Variants in PCDHA12 observed in about 807,000 individuals in gnomAD.
PCDHA12 encodes the protein protocadherin alpha-12.
In PCDHA12, 44 loss-of-function variants were observed where a neutral mutation model predicts 60.0. The observed-to-expected ratio is 0.73, with a 90% CI of 0.58 to 0.94. The LOEUF is 0.94. PCDHA12 is among the 40% of genes least tolerant of loss of function. PCDHA12 has a pLI of 0.00. For synonymous variants in PCDHA12, 569 were observed against 553.0 expected (o/e 1.03, Z -0.40); for missense variants, 1,276 against 1,239.7 (o/e 1.03, Z -0.44).
intron 1 of PCDHA12, among the ~76,000 whole-genome samples, chr5:140,955,262 C>CT (rs1165777806): frequency 1.3e-5 from 2 of 152,044 alleles, no homozygotes; most frequent in African/African-American, 2.4e-5. Flanking sequence ...TATAAAGGCT[C>CT]TTTTTTGGTT....
Position 140,876,378 on chromosome 5 carries a change from T to A in PCDHA12, c.906T>A (p.Ile302=). The change falls in exon 1 of 4, where the codon ATT becomes ATA. Residue 302 remains isoleucine (I), a synonymous_variant. Coordinates refer to ENST00000398631, the MANE Select transcript of PCDHA12 (RefSeq NM_018903.4). Reference sequence around the variant, plus strand: ...CAATAAATCCAGACACAGGTGAAATTAGAATTTATGGTGAACTGGATTTTG... The same window carrying A: ...CAATAAATCCAGACACAGGTGAAATAAGAATTTATGGTGAACTGGATTTTG... ...MFSINPDTGE[I]RIYGELDFEE... The A allele has an allele frequency of 6.2e-7, 1 of 1,613,948 alleles. No homozygotes were observed. Among genetic ancestry groups the A allele is most frequent in the Non-Finnish European group, 8.5e-7 (1 of 1,179,902 alleles).
chr5:140,908,587 T>G (rs186345728), intron 1 of PCDHA12, among the ~76,000 whole-genome samples: 3 of 152,298 alleles, frequency 2.0e-5, no homozygotes, highest in East Asian at 3.9e-4. Context: ...AGTAGTTAGC[T>G]GCAGAAGATG....
chr5:140,941,619 C>T (rs1300512502), intron 1 of PCDHA12, among the ~76,000 whole-genome samples: 1 of 151,848 alleles, frequency 6.6e-6, no homozygotes, highest in African/African-American at 2.4e-5. Flanking sequence ...CCAGCCCATC[C>T]TGCTTCTTAA....
Position 140,982,485 on chromosome 5 carries a change from C to T in PCDHA12, c.2437C>T (p.Leu813=). 1 of 1,614,100 alleles carries T rather than the reference C, an allele frequency of 6.2e-7. No homozygotes were observed. The highest frequency in any genetic ancestry group is 8.5e-7 in the Non-Finnish European group (1 of 1,180,004). The part of the protein sequence containing the change: ...LRAGMHSSVH[L]EEAGILRAGP... ...TGTGTGTTTATTCAGCTCTGTGCAC[C>T]TAGAGGAGGCTGGCATTCTACGGGC... The change falls in exon 3 of 4, where the codon CTA becomes TTA. Residue 813 remains leucine (L), a synonymous_variant. Coordinates refer to ENST00000398631, the MANE Select transcript of PCDHA12 (RefSeq NM_018903.4).
chr5:140,994,281 G>T (rs2097610222), intron 3 of PCDHA12, among the ~76,000 whole-genome samples: 1 of 152,144 alleles, frequency 6.6e-6, no homozygotes. Flanking sequence ...CCTTTCTTGA[G>T]ACAGTCCCCA....
chr5:140,982,300 G>A (rs2096976836), intron 2 of PCDHA12, 175 bp from the exon 3 acceptor site: 1 of 1,204,506 alleles, frequency 8.3e-7, no homozygotes, highest in South Asian at 1.7e-5. Flanking sequence ...AGTCAGCAAT[G>A]CTTCTGCAGT....
chr5:140,884,096 G>T (rs782587372), intron 1 of PCDHA12: 1 of 1,613,580 alleles, frequency 6.2e-7, no homozygotes, highest in Non-Finnish European at 8.5e-7. Flanking sequence ...GCTTTCGTAT[G>T]AATTGCAGCT....
At chr5:141,007,991 A>G (rs1276879326) in intron 3 of PCDHA12, among the ~76,000 whole-genome samples, 1 of 152,234 alleles carries the variant, frequency 6.6e-6, no homozygotes, top group Non-Finnish European at 1.5e-5. Context: ...TATGAAATGT[A>G]CATGTTAATA....
chr5:140,900,081 G>T (rs1306300563), intron 1 of PCDHA12, among the ~76,000 whole-genome samples: 1 of 152,062 alleles, frequency 6.6e-6, no homozygotes, highest in African/African-American at 2.4e-5. Context: ...AAGTGCTGCA[G>T]TTACAAGCAT....
intron 1 of PCDHA12, among the ~76,000 whole-genome samples, chr5:140,899,543 G>C (rs1231734616): frequency 1.3e-5 from 2 of 152,144 alleles, no homozygotes; most frequent in Non-Finnish European, 2.9e-5. Flanking sequence ...CTTGATCATG[G>C]TGGATAAGCT....
intron 1 of PCDHA12, among the ~76,000 whole-genome samples, chr5:140,891,303 T>C (rs1007949282): frequency 6.6e-6 from 1 of 152,178 alleles, no homozygotes; most frequent in Non-Finnish European, 1.5e-5. Flanking sequence ...GGTATTTGAT[T>C]ACATGAGTAA....
At chr5:140,982,240 A>G (rs1257297614) in intron 2 of PCDHA12, 14 of 694,558 alleles carry the variant, frequency 2.0e-5, no homozygotes, top group Admixed American at 3.6e-5. Flanking sequence ...CAGAATTGCC[A>G]TAAAGATAGA....
intron 2 of PCDHA12, among the ~76,000 whole-genome samples, chr5:140,981,825 T>G (rs941645731): frequency 2.0e-5 from 3 of 152,184 alleles, no homozygotes; most frequent in African/African-American, 7.2e-5. Context: ...TCTGCTTGCC[T>G]CTAAAGGTCT....
chr5:140,938,261 A>G (rs1325957872), intron 1 of PCDHA12, among the ~76,000 whole-genome samples: 2 of 152,182 alleles, frequency 1.3e-5, no homozygotes, highest in Non-Finnish European at 2.9e-5. Flanking sequence ...AAAACTTTCT[A>G]ATCACATAGT....
At chr5:140,926,692 C>T in intron 1 of PCDHA12, 1 of 737,896 alleles carries the variant, frequency 1.4e-6, no homozygotes, top group Non-Finnish European at 2.0e-6. Context: ...CCTAGCAAGC[C>T]CGGCTCCCAG....
intron 3 of PCDHA12, among the ~76,000 whole-genome samples, chr5:141,007,395 C>CAA (rs35800918): frequency 2.8e-4 from 27 of 94,848 alleles, no homozygotes; most frequent in South Asian, 7.0e-4. Context: ...TACTAAAATA[C>CAA]AAAAAAAAAA....
chr5:140,916,747 G>A (rs1445361224), intron 1 of PCDHA12, among the ~76,000 whole-genome samples: 1 of 152,220 alleles, frequency 6.6e-6, no homozygotes, highest in Non-Finnish European at 1.5e-5. Context: ...TTCACTGCCT[G>A]GGATTAGGGG....
intron 1 of PCDHA12, chr5:140,882,138 T>C: frequency 6.7e-7 from 1 of 1,489,248 alleles, no homozygotes; most frequent in South Asian, 1.4e-5. Context: ...CTGCAGAAAA[T>C]ATAGCAGAAA....
chr5:140,970,774 A>G (rs1554232727), intron 1 of PCDHA12, among the ~76,000 whole-genome samples: 2 of 152,218 alleles, frequency 1.3e-5, no homozygotes, highest in Admixed American at 1.3e-4. Context: ...TGCTGTACAT[A>G]CATATTGTAT....
Sources: allele counts gnomAD v4.1 joint callset (sites outside exome capture counted in the v4.1 genomes callset), GRCh38; gene constraint gnomAD v4.1.1; transcripts MANE v1.5; gene names NCBI Gene and HGNC (gene_info 2026-07-23, HGNC 2026-07-21).